Variants in CCNY observed in about 807,000 individuals in gnomAD.
CCNY encodes cyclin-Y.
CCNY carries 19 observed loss-of-function variants against 42.8 expected under a neutral mutation model. The observed-to-expected ratio is 0.44, with a 90% CI of 0.31 to 0.65. The LOEUF (loss-of-function observed/expected upper bound fraction) is 0.65. CCNY is among the 30% of genes least tolerant of loss of function. The pLI, the probability that CCNY is intolerant of heterozygous loss-of-function variation, is 0.07. For missense variants in CCNY, 370 were observed against 437.3 expected, an observed-to-expected ratio of 0.85 and a Z score of 1.37; for synonymous variants, 165 against 162.7, an observed-to-expected ratio of 1.01 and a Z score of -0.11.
chr10:35,480,346 C>T (rs923846226), intron 1 of CCNY, among the ~76,000 whole-genome samples: 4 of 152,186 alleles, frequency 2.6e-5, no homozygotes, highest in Non-Finnish European at 5.9e-5. Flanking sequence ...TGCTTGGCTT[C>T]CCCCACAGAG....
chr10:35,568,058 G>A (rs922018638), intron 9 of CCNY, among the ~76,000 whole-genome samples: 4 of 152,178 alleles, frequency 2.6e-5, no homozygotes, highest in African/African-American at 9.7e-5. Flanking sequence ...GGCTCTAGTG[G>A]CTGCTTCAGT....
At chr10:35,456,270 C>T (rs965568886) in intron 1 of CCNY, among the ~76,000 whole-genome samples, 3 of 152,116 alleles carry the variant, frequency 2.0e-5, no homozygotes, top group Non-Finnish European at 4.4e-5. Flanking sequence ...TAGCTGAGAC[C>T]AGAGCTGGAT....
intron 3 of CCNY, among the ~76,000 whole-genome samples, chr10:35,514,667 A>G (rs1840392923): frequency 6.6e-6 from 1 of 152,196 alleles, no homozygotes; most frequent in Non-Finnish European, 1.5e-5. Flanking sequence ...GCCCTGTTAC[A>G]TTTTAATCTG....
Position 35,375,569 on chromosome 10 carries a change from T to A in CCNY, c.154+38362T>A, listed in dbSNP as rs114982287. 6.8e-3 allele frequency among the ~76,000 whole-genome samples: 1,036 copies of A among 152,356 alleles called. 11 individuals carry two copies. The highest frequency in any genetic ancestry group is 0.024 in the African/African-American group (990 of 41,588). On this transcript the variant is annotated intron_variant, in intron 1 of 9. Coordinates refer to ENST00000374704, the MANE Select transcript of CCNY (RefSeq NM_145012.6). ...GGGAAATGTTCTAAGTATTGAGTCA[T>A]CTTGTTTGAATTTTGTGGGGTACTG...
chr10:35,454,623 C>T (rs1457488102), intron 1 of CCNY, among the ~76,000 whole-genome samples: 9 of 152,248 alleles, frequency 5.9e-5, no homozygotes, highest in Admixed American at 1.3e-4. Flanking sequence ...TGAACCTCAG[C>T]GGCTTCGCCT....
chr10:35,341,678 A>G (rs992408755), intron 1 of CCNY, among the ~76,000 whole-genome samples: 2 of 152,230 alleles, frequency 1.3e-5, no homozygotes, highest in Non-Finnish European at 2.9e-5. Context: ...AACAGGAGGC[A>G]AGGAGAATGA....
chr10:35,397,942 C>T (rs1279129212), intron 1 of CCNY, among the ~76,000 whole-genome samples: 1 of 152,146 alleles, frequency 6.6e-6, no homozygotes, highest in Non-Finnish European at 1.5e-5. Context: ...AGGACTTCCC[C>T]CTCTGGTGAT....
intron 8 of CCNY, among the ~76,000 whole-genome samples, chr10:35,565,247 A>G (rs1208588107): frequency 6.6e-6 from 1 of 152,140 alleles, no homozygotes; most frequent in Non-Finnish European, 1.5e-5. Flanking sequence ...CTCCCAACCT[A>G]CCTTTTTAGT....
intron 1 of CCNY, among the ~76,000 whole-genome samples, chr10:35,480,860 G>C (rs1337042507): frequency 6.6e-6 from 1 of 152,142 alleles, no homozygotes; most frequent in Non-Finnish European, 1.5e-5. Flanking sequence ...CAGCTCCTCA[G>C]GAGGCTGAAG....
At chr10:35,373,158 C>A (rs1410182003) in intron 1 of CCNY, among the ~76,000 whole-genome samples, 1 of 152,204 alleles carries the variant, frequency 6.6e-6, no homozygotes, top group Non-Finnish European at 1.5e-5. Context: ...GAGTTTGAAT[C>A]CTGGCCCTGC....
chr10:35,407,038 T>G (rs1837795199), intron 1 of CCNY, among the ~76,000 whole-genome samples: 1 of 152,226 alleles, frequency 6.6e-6, no homozygotes, highest in Non-Finnish European at 1.5e-5. Flanking sequence ...CAAACAGGCC[T>G]TGAATTGGGT....
intron 1 of CCNY, among the ~76,000 whole-genome samples, chr10:35,366,858 A>G (rs1255734523): frequency 6.6e-6 from 1 of 152,234 alleles, no homozygotes; most frequent in African/African-American, 2.4e-5. Flanking sequence ...ATTTTAAAGA[A>G]TAAATTTAGA....
intron 1 of CCNY, among the ~76,000 whole-genome samples, chr10:35,440,604 C>T (rs1239431809): frequency 2.0e-5 from 3 of 152,180 alleles, no homozygotes; most frequent in Non-Finnish European, 2.9e-5. Flanking sequence ...TTCACTGCAG[C>T]GTATTCTGCT....
intron 2 of CCNY, among the ~76,000 whole-genome samples, chr10:35,489,459 C>A (rs1839855319): frequency 1.3e-5 from 2 of 152,034 alleles, no homozygotes; most frequent in South Asian, 4.1e-4. Context: ...CACCACCACG[C>A]CCAGCTAATT....
At chr10:35,394,086 C>A (rs757902629) in intron 1 of CCNY, among the ~76,000 whole-genome samples, 1 of 152,156 alleles carries the variant, frequency 6.6e-6, no homozygotes, top group African/African-American at 2.4e-5. Context: ...TCCAGTGCTC[C>A]GTGCAACTTA....
At chr10:35,357,623 T>C (rs1318135413) in intron 1 of CCNY, among the ~76,000 whole-genome samples, 3 of 152,232 alleles carry the variant, frequency 2.0e-5, no homozygotes, top group Non-Finnish European at 4.4e-5. Flanking sequence ...TATCCCAGCA[T>C]TGGGGATGCT....
At chr10:35,249,718 C>T (rs1254413558) in intron 2 of CCNY, among the ~76,000 whole-genome samples, 1 of 152,106 alleles carries the variant, frequency 6.6e-6, no homozygotes, top group Non-Finnish European at 1.5e-5. Flanking sequence ...GGAGTCCTTG[C>T]AGAAAAAAAT....
chr10:35,322,053 T>TA (rs1271796748), intron 3 of CCNY, among the ~76,000 whole-genome samples: 1 of 152,158 alleles, frequency 6.6e-6, no homozygotes, highest in Non-Finnish European at 1.5e-5. Context: ...ATCATGTACC[T>TA]AAGCTTAAAA....
At chr10:35,540,058 T>C (rs932600815) in intron 7 of CCNY, among the ~76,000 whole-genome samples, 6 of 152,218 alleles carry the variant, frequency 3.9e-5, no homozygotes, top group Admixed American at 6.5e-5. Context: ...ATGCCTTTTA[T>C]TTGGTTTTCT....
Sources: gnomAD v4.1 joint callset for allele counts (sites outside exome capture counted in the v4.1 genomes callset) on GRCh38, gnomAD v4.1.1 for gene constraint, MANE v1.5 for transcripts, NCBI Gene and HGNC (gene_info 2026-07-23, HGNC 2026-07-21) for gene names.